The following CFAP299 variants were observed in gnomAD, a reference collection of about 807,000 sequenced individuals.
CFAP299 encodes cilia and flagella associated protein 299.
Under a neutral mutation model 27.0 loss-of-function variants are expected in CFAP299, and 21 were observed. The observed-to-expected ratio is 0.78, with a 90% CI of 0.55 to 1.12. The LOEUF is 1.12. Among genes scored for constraint, CFAP299 ranks in the 50% most tolerant of loss-of-function variants. The pLI, the probability that CFAP299 is intolerant of heterozygous loss-of-function variation, is 0.00. For missense variants in CFAP299, 310 were observed against 276.6 expected, an observed-to-expected ratio of 1.12 and a Z score of -0.86; for synonymous variants, 104 against 98.1, an observed-to-expected ratio of 1.06 and a Z score of -0.36.
chr4:80,906,057 G>A (rs1168955718), intron 4 of CFAP299, among the ~76,000 whole-genome samples: 1 of 152,136 alleles, frequency 6.6e-6, no homozygotes, highest in African/African-American at 2.4e-5. Context: ...TTCCACCTAT[G>A]AGCTTGTAAA....
chr4:80,804,052 T>C (rs1299214453), intron 3 of CFAP299, among the ~76,000 whole-genome samples: 1 of 152,032 alleles, frequency 6.6e-6, no homozygotes, highest in African/African-American at 2.4e-5. Flanking sequence ...AAAGTTGTAA[T>C]CCCATTCAAG....
chr4:80,767,152 TGTACA>T (rs1444925654), intron 3 of CFAP299, among the ~76,000 whole-genome samples: 1 of 152,104 alleles, frequency 6.6e-6, no homozygotes, highest in African/African-American at 2.4e-5. Flanking sequence ...TTTTCCTCTA[TGTACA>T]ATATACAATA....
At chr4:80,904,842 G>A (rs944348103) in intron 4 of CFAP299, among the ~76,000 whole-genome samples, 1 of 152,198 alleles carries the variant, frequency 6.6e-6, no homozygotes, top group South Asian at 2.1e-4. Flanking sequence ...TCTTCTCCAG[G>A]AAACTCTGAG....
At chr4:80,334,035 T>A (rs979987441), upstream of CFAP299, among the ~76,000 whole-genome samples, 1 of 152,238 alleles carries the variant, frequency 6.6e-6, no homozygotes. Flanking sequence ...TTATGAATTT[T>A]CTTGATATTA....
intron 1 of CFAP299, among the ~76,000 whole-genome samples, chr4:80,349,844 A>G (rs1722933379): frequency 6.6e-6 from 1 of 152,190 alleles, no homozygotes; most frequent in South Asian, 2.1e-4. Context: ...GGTTGCTACT[A>G]CTAGTAATGT....
chr4:80,403,985 A>C (rs937741464), intron 2 of CFAP299, among the ~76,000 whole-genome samples: 1 of 152,164 alleles, frequency 6.6e-6, no homozygotes, highest in African/African-American at 2.4e-5. Flanking sequence ...TTTAGTCAGA[A>C]TTGACAATGG....
At chr4:80,923,668 T>A (rs1163342950) in intron 4 of CFAP299, among the ~76,000 whole-genome samples, 1 of 152,088 alleles carries the variant, frequency 6.6e-6, no homozygotes. Context: ...TAACAAATTT[T>A]CATTAATTGA....
intron 3 of CFAP299, among the ~76,000 whole-genome samples, chr4:80,868,604 T>C (rs1732885939): frequency 6.6e-6 from 1 of 152,188 alleles, no homozygotes; most frequent in Non-Finnish European, 1.5e-5. Context: ...GGGCAAATGC[T>C]TTCAGAACAA....
intron 1 of CFAP299, among the ~76,000 whole-genome samples, chr4:80,342,882 A>G (rs762269414): frequency 4.6e-5 from 7 of 152,240 alleles, no homozygotes; most frequent in Non-Finnish European, 8.8e-5. Flanking sequence ...CAGAATGGCA[A>G]TCTGGATAAA....
chr4:80,904,242 A>C (rs1434997966), intron 4 of CFAP299, among the ~76,000 whole-genome samples: 2 of 152,180 alleles, frequency 1.3e-5, no homozygotes, highest in Non-Finnish European at 2.9e-5. Flanking sequence ...TCTGGAGAAC[A>C]CTGGATTAAA....
chr4:80,707,101 T>C (rs1003516920), intron 3 of CFAP299, among the ~76,000 whole-genome samples: 5 of 151,948 alleles, frequency 3.3e-5, no homozygotes, highest in Non-Finnish European at 7.4e-5. Context: ...TCCAGATTTA[T>C]GTTTAATCTT....
chr4:80,730,862 G>A (rs1362096265), intron 3 of CFAP299, among the ~76,000 whole-genome samples: 4 of 152,040 alleles, frequency 2.6e-5, no homozygotes. Flanking sequence ...CTAAAATATT[G>A]AACTATTTGG....
chr4:80,814,823 A>G (rs1444892130), intron 3 of CFAP299, among the ~76,000 whole-genome samples: 4 of 152,040 alleles, frequency 2.6e-5, no homozygotes, highest in Admixed American at 2.6e-4. Context: ...CATAAGGACA[A>G]ACAAAGGAAA....
At chr4:80,905,113 TA>T (rs1356710835) in intron 4 of CFAP299, among the ~76,000 whole-genome samples, 4 of 152,224 alleles carry the variant, frequency 2.6e-5, no homozygotes, top group Admixed American at 6.5e-5. Context: ...CTATCCTTTT[TA>T]GGTTGAAGGG....
intron 1 of CFAP299, among the ~76,000 whole-genome samples, chr4:80,345,016 C>A (rs1722654179): frequency 6.6e-6 from 1 of 152,100 alleles, no homozygotes; most frequent in Non-Finnish European, 1.5e-5. Flanking sequence ...ATATGTCAAG[C>A]CCACAGACAA....
chr4:80,939,672 A>C (rs1737094181), intron 4 of CFAP299, among the ~76,000 whole-genome samples: 1 of 152,132 alleles, frequency 6.6e-6, no homozygotes, highest in Admixed American at 6.6e-5. Context: ...CAGCCACATG[A>C]ACTTTATTTT....
intron 2 of CFAP299, among the ~76,000 whole-genome samples, chr4:80,425,158 A>C (rs1727473932): frequency 6.6e-6 from 1 of 152,200 alleles, no homozygotes; most frequent in East Asian, 1.9e-4. Context: ...GTGGGACCTA[A>C]TGAGAGGTGA....
At chr4:80,953,545 CT>C (rs1737892632) in intron 5 of CFAP299, among the ~76,000 whole-genome samples, 1 of 152,060 alleles carries the variant, frequency 6.6e-6, no homozygotes, top group Admixed American at 6.6e-5. Flanking sequence ...CAGAGCTTGG[CT>C]TTTATGAATT....
At chr4:80,374,817 T>G (rs1372293311) in intron 2 of CFAP299, among the ~76,000 whole-genome samples, 1 of 152,094 alleles carries the variant, frequency 6.6e-6, no homozygotes, top group Non-Finnish European at 1.5e-5. Flanking sequence ...AATATCCTAT[T>G]GGCTAGGGAA....
Sources: allele counts gnomAD v4.1 joint callset (sites outside exome capture counted in the v4.1 genomes callset), GRCh38; gene constraint gnomAD v4.1.1; transcripts MANE v1.5; gene names NCBI Gene and HGNC (gene_info 2026-07-23, HGNC 2026-07-21).